The following CCDC3 variants were observed in gnomAD, a reference collection of about 807,000 sequenced individuals.
CCDC3 encodes the protein coiled-coil domain containing 3, also known as coiled-coil domain-containing protein 3.
A neutral mutation model predicts 21.4 loss-of-function variants in CCDC3; 24 were observed. The ratio of observed to expected loss-of-function variants is 1.12; its 90% CI spans 0.81 to 1.58. The LOEUF (loss-of-function observed/expected upper bound fraction) is 1.58. Among genes scored for constraint, CCDC3 ranks in the 40% most tolerant of loss-of-function variants. The probability of loss-of-function intolerance (pLI) is 0.00; values close to 1 mark genes in which losing one functional copy is unlikely to be tolerated. For synonymous variants in CCDC3, 186 were observed against 166.0 expected (o/e 1.12, Z -0.93); for missense variants, 425 against 360.9 (o/e 1.18, Z -1.44).
At chr10:13,003,455 G>C (rs116309875), upstream of CCDC3, among the ~76,000 whole-genome samples, 1,461 of 152,270 alleles carry the variant, frequency 9.6e-3, 24 homozygotes, top group African/African-American at 0.033. Flanking sequence ...TACAACACTA[G>C]AATAGGGCCA....
chr10:12,946,822 T>G (rs1219404582), intron 2 of CCDC3, among the ~76,000 whole-genome samples: 1 of 152,166 alleles, frequency 6.6e-6, no homozygotes, highest in African/African-American at 2.4e-5. Flanking sequence ...CCCTCCTATT[T>G]GGGAATTATT....
chr10:13,004,340 C>A (rs2131290357), upstream of CCDC3, among the ~76,000 whole-genome samples: 1 of 152,198 alleles, frequency 6.6e-6, no homozygotes, highest in Middle Eastern at 3.4e-3. Context: ...TGTGGTAAAA[C>A]CAGTTAATTC....
At chr10:12,915,696 C>A (rs571753930) in intron 2 of CCDC3, among the ~76,000 whole-genome samples, 15 of 152,248 alleles carry the variant, frequency 9.9e-5, no homozygotes, top group Non-Finnish European at 1.6e-4. Context: ...GCTACTGGAG[C>A]CTTTGGGTAG....
chr10:13,041,200 T>C (rs553561501), intron 5 of CCDC3, among the ~76,000 whole-genome samples: 26 of 152,288 alleles, frequency 1.7e-4, no homozygotes, highest in African/African-American at 6.0e-4. Context: ...CCTATTCATC[T>C]GGGCCCTTTG....
At position 12,904,468 on chromosome 10, in the gene CCDC3, T is replaced by TAAAAA. The variant is rs55772750; in HGVS notation, c.550-5794_550-5790dup. On this transcript the variant is annotated intron_variant, in intron 2 of 2. Coordinates refer to ENST00000378825, the MANE Select transcript of CCDC3 (RefSeq NM_031455.4). ...TAAGTTACAGAGCAAAAGCCAGTCT[T>TAAAAA]AAAAAAAAAAAAAAAAAAAAAAAGA... Among the ~76,000 whole-genome samples the TAAAAA allele has an allele frequency of 2.2e-4, 9 of 40,918 alleles. 1 individual carries two copies. Among genetic ancestry groups the TAAAAA allele is most frequent in the East Asian group, 8.9e-4 (1 of 1,128 alleles). 26.8% of individuals were successfully genotyped at this position (40,918 alleles called of 152,430 possible).
chr10:12,909,086 C>T (rs893517117), intron 2 of CCDC3, among the ~76,000 whole-genome samples: 3 of 152,196 alleles, frequency 2.0e-5, no homozygotes, highest in Non-Finnish European at 4.4e-5. Context: ...CTGTGAGTTA[C>T]AGCATCTGAA....
At chr10:12,996,992 C>A (rs146389498) in intron 2 of CCDC3, among the ~76,000 whole-genome samples, 1 of 152,022 alleles carries the variant, frequency 6.6e-6, no homozygotes, top group Non-Finnish European at 1.5e-5. Flanking sequence ...TACCTGGGTG[C>A]GAAACGATTG....
At chr10:12,982,812 A>C (rs933723097) in intron 2 of CCDC3, among the ~76,000 whole-genome samples, 2 of 149,230 alleles carry the variant, frequency 1.3e-5, no homozygotes, top group Non-Finnish European at 3.0e-5. Flanking sequence ...AAAAAAAAAA[A>C]AAAAAAACCA....
intron 2 of CCDC3, among the ~76,000 whole-genome samples, chr10:12,953,106 T>C (rs531045798): frequency 1.3e-5 from 2 of 152,062 alleles, no homozygotes; most frequent in Non-Finnish European, 2.9e-5. Flanking sequence ...AAAAGTTTAA[T>C]GGACTTACAG....
intron 2 of CCDC3, among the ~76,000 whole-genome samples, chr10:12,916,925 C>T (rs1292206880): frequency 6.6e-6 from 1 of 152,128 alleles, no homozygotes; most frequent in Non-Finnish European, 1.5e-5. Context: ...CTGGGTTGGG[C>T]CCGGAGACCA....
chr10:12,998,047 T>C (rs2131285357), intron 2 of CCDC3, among the ~76,000 whole-genome samples: 1 of 152,356 alleles, frequency 6.6e-6, no homozygotes. Context: ...GTCCCTGTTC[T>C]GTAGAAGAGG....
At chr10:13,052,949 C>CAA (rs1836628796) in intron 4 of CCDC3, among the ~76,000 whole-genome samples, 1 of 101,910 alleles carries the variant, frequency 9.8e-6, no homozygotes, top group Admixed American at 1.0e-4. Flanking sequence ...CACACACACA[C>CAA]ACACACACAC....
At chr10:12,902,413 A>C (rs1288037334) in intron 2 of CCDC3, among the ~76,000 whole-genome samples, 1 of 152,192 alleles carries the variant, frequency 6.6e-6, no homozygotes, top group Non-Finnish European at 1.5e-5. Context: ...TATGGAACTT[A>C]GGCTTTAATA....
At position 12,948,701 on chromosome 10, in the gene CCDC3, A is replaced by C. The variant is rs1014555483; in HGVS notation, c.549+49637T>G. Among the ~76,000 whole-genome samples, 3 of 150,788 alleles carry C rather than the reference A, an allele frequency of 2.0e-5. 1 individual carries two copies. Among genetic ancestry groups the C allele is most frequent in the Non-Finnish European group, 4.4e-5 (3 of 67,794 alleles). On this transcript the variant is annotated intron_variant, in intron 2 of 2. Coordinates refer to ENST00000378825, the MANE Select transcript of CCDC3 (RefSeq NM_031455.4). ...GACCAACTGAAGACGAAAAGGGGTA[A>C]AAATTTAAGTCCTCATTTTTAAGGC...
At chr10:12,900,301 C>T (rs1022428937) in intron 2 of CCDC3, among the ~76,000 whole-genome samples, 5 of 152,024 alleles carry the variant, frequency 3.3e-5, no homozygotes, top group Non-Finnish European at 5.9e-5. Context: ...TCCAATCTTT[C>T]TCCTTTCTCC....
chr10:12,898,795 AC>A, intron 2 of CCDC3, 116 bp from the exon 3 acceptor site: 1 of 1,232,446 alleles, frequency 8.1e-7, no homozygotes, highest in Non-Finnish European at 1.1e-6. Flanking sequence ...CCGATTCCCC[AC>A]CCCAGCATGG....
chr10:12,998,400 A>G lies in CCDC3; in HGVS notation c.487T>C (p.Cys163Arg), dbSNP rs199848893. The part of the protein sequence containing the change: ...MFSSLFQFSN[C>R]SQGQQLATFS... Reference sequence around the variant, plus strand: ...GTCGCCAGCTGCTGCCCTTGCGAACAGTTTGAAAACTGGAAAAGGCTAGAA... The same window carrying G: ...GTCGCCAGCTGCTGCCCTTGCGAACGGTTTGAAAACTGGAAAAGGCTAGAA... The change falls in exon 2 of 3, where the codon TGT (cysteine) becomes CGT (arginine). Residue 163 changes from cysteine (C) to arginine (R), a missense_variant. Coordinates refer to ENST00000378825, the MANE Select transcript of CCDC3 (RefSeq NM_031455.4). The G allele has an allele frequency of 9.5e-5, 154 of 1,614,124 alleles. No homozygotes were observed. Among genetic ancestry groups the G allele is most frequent in the Non-Finnish European group, 1.1e-5 (13 of 1,180,048 alleles).
At chr10:12,958,998 C>G in intron 2 of CCDC3, among the ~76,000 whole-genome samples, 1 of 152,124 alleles carries the variant, frequency 6.6e-6, no homozygotes, top group East Asian at 1.9e-4. Flanking sequence ...AAGTAAGGTC[C>G]ACCATTGCCA....
chr10:12,986,782 A>C (rs1038074636), intron 2 of CCDC3, among the ~76,000 whole-genome samples: 30 of 84,850 alleles, frequency 3.5e-4, no homozygotes, highest in Non-Finnish European at 9.4e-4. Flanking sequence ...CAAAAAAAAA[A>C]AACAAAAAAA....
Sources: gnomAD v4.1 joint callset for allele counts (sites outside exome capture counted in the v4.1 genomes callset) on GRCh38, gnomAD v4.1.1 for gene constraint, MANE v1.5 for transcripts, NCBI Gene and HGNC (gene_info 2026-07-23, HGNC 2026-07-21) for gene names.